The following CYP4F11 variants were observed in gnomAD, a reference collection of about 807,000 sequenced individuals.
The protein encoded by CYP4F11 is cytochrome P450 family 4 subfamily F member 11.
A neutral mutation model predicts 62.2 loss-of-function variants in CYP4F11; 79 were observed. The observed-to-expected ratio is 1.27, with a 90% CI of 1.06 to 1.53. CYP4F11 has a LOEUF of 1.53. Among genes scored for constraint, CYP4F11 ranks in the 40% most tolerant of loss-of-function variants. CYP4F11 has a pLI of 0.00. For missense variants in CYP4F11, 777 were observed against 680.5 expected (o/e 1.14, Z -1.58); for synonymous variants, 290 against 263.7 (o/e 1.10, Z -0.97).
intron 8 of CYP4F11, among the ~76,000 whole-genome samples, chr19:15,921,196 C>A (rs769069253): frequency 2.0e-5 from 3 of 152,020 alleles, no homozygotes; most frequent in Admixed American, 6.6e-5. Flanking sequence ...ATCTACTGAT[C>A]ATTATTAAGG....
At position 15,922,041 on chromosome 19, in the gene CYP4F11, C is replaced by G. The variant is rs1197889030; in HGVS notation, c.1111G>C (p.Glu371Gln). The part of the protein sequence containing the change: ...LLKDREPIEI[E>Q]WDDLAQLPFL... ...CAGGCCAGCACCTGCACTCACCATT[C>G]AATCTCTATAGGTTCACGGTCCTTC... is the stretch of plus-strand genomic sequence containing the variant. The change falls in exon 8 of 12, where the codon GAA becomes CAA. Residue 371 changes from glutamate (E) to glutamine (Q), a missense_variant. Coordinates refer to ENST00000402119, the MANE Select transcript of CYP4F11 (RefSeq NM_021187.4). 2 of 1,603,452 alleles carry G rather than the reference C, an allele frequency of 1.2e-6. No homozygotes were observed. Among genetic ancestry groups the G allele is most frequent in the African/African-American group, 2.7e-5 (2 of 74,586 alleles).
rs1465392365 is a variant in CYP4F11 at position 15,914,860 on chromosome 19, C to T, written c.1151G>A (p.Cys384Tyr). The change falls in exon 9 of 12, where the codon TGC becomes TAC. Residue 384 changes from cysteine (C) to tyrosine (Y), a missense_variant. Cys to Tyr is a radical substitution (Grantham distance 194). Coordinates refer to ENST00000402119, the MANE Select transcript of CYP4F11 (RefSeq NM_021187.4). ...DLAQLPFLTMCIKESLRLHPP... is the reference protein window; with the variant it reads ...DLAQLPFLTMYIKESLRLHPP... ...ATGCAACCGCAGGCTCTCCTTAATG[C>T]ACATGGTCAGGAAGGGCAGCTGGGC... is the stretch of plus-strand genomic sequence containing the variant. The T allele has an allele frequency of 2.7e-5, 44 of 1,614,188 alleles. No individual in the cohort carries two copies. The highest frequency in any genetic ancestry group is 3.6e-5 in the Non-Finnish European group (42 of 1,180,024).
intron 6 of CYP4F11, 140 bp from the exon 7 acceptor site, chr19:15,922,570 G>A (rs2089637377): frequency 2.2e-5 from 18 of 819,832 alleles, no homozygotes; most frequent in Non-Finnish European, 3.2e-5. Context: ...ATGTCTCTTG[G>A]TCACCACCAT....
chr19:15,928,001 T>C (rs1391313333), intron 2 of CYP4F11: 1 of 154,458 alleles, frequency 6.5e-6, no homozygotes, highest in Non-Finnish European at 1.4e-5. Flanking sequence ...AACATTTAAA[T>C]ATGATGTCAC....
chr19:15,922,976 G>A (rs868278958), intron 6 of CYP4F11, among the ~76,000 whole-genome samples: 3 of 152,022 alleles, frequency 2.0e-5, no homozygotes, highest in African/African-American at 4.8e-5. Context: ...ACTTGAACCC[G>A]GGAGGCAGAG....
intron 8 of CYP4F11, among the ~76,000 whole-genome samples, chr19:15,920,202 A>T (rs961953119): frequency 6.6e-6 from 1 of 152,222 alleles, no homozygotes; most frequent in Non-Finnish European, 1.5e-5. Context: ...AAAATTTGTC[A>T]ATTAAAAATA....
chr19:15,913,411 G>T lies in CYP4F11; in HGVS notation c.*321C>A. ...TGTTTCTCGCTGAATCAGAGTCTCA[G>T]TCTTGCTCCTTAAACCCATTCTTAA... On this transcript the variant is annotated 3_prime_UTR_variant, in exon 12 of 12. Transcript: ENST00000402119. The T allele has an allele frequency of 2.7e-6, 1 of 370,676 alleles. No homozygotes were observed. Among genetic ancestry groups the T allele is most frequent in the Non-Finnish European group, 5.1e-6 (1 of 195,480 alleles). 23.0% of individuals were successfully genotyped at this position (370,676 alleles called of 1,614,324 possible). A position where few individuals can be genotyped will look rare whatever the true frequency, so the allele number is the denominator to read the frequency against.
At position 15,914,764 on chromosome 19, in the gene CYP4F11, T is replaced by C. The variant is rs753433594; in HGVS notation, c.1247A>G (p.Lys416Arg). The change falls in exon 9 of 12, where the codon AAA becomes AGA. Residue 416 changes from lysine (K) to arginine (R), a missense_variant and splice_region_variant. Physicochemically the swap from Lys to Arg is conservative, Grantham distance 26. Transcript: ENST00000402119. ...FVLPDGRVIP[K>R]GIVCLINIIG... is the part of the protein sequence containing the mutation. The stretch of plus-strand genomic sequence containing the variant: ...CCTCCCCCTGAGGCTGTGAGCACCT[T>C]TGGGGATGACGCGGCCGTCTGGGAG... The C allele has an allele frequency of 6.2e-6, 10 of 1,613,996 alleles. No homozygotes were observed. Among genetic ancestry groups the C allele is most frequent in the Admixed American group, 5.0e-5 (3 of 60,002 alleles).
chr19:15,931,306 G>A (rs531353376), intron 1 of CYP4F11, among the ~76,000 whole-genome samples: 4 of 151,934 alleles, frequency 2.6e-5, no homozygotes, highest in Admixed American at 2.0e-4. Context: ...ACAAGCAAAT[G>A]GGCCAGGCAG....
At chr19:15,927,371 GCA>G (rs771303835) in intron 3 of CYP4F11, 32 bp from the exon 4 acceptor site, 4 of 1,613,920 alleles carry the variant, frequency 2.5e-6, no homozygotes, top group East Asian at 4.5e-5. Flanking sequence ...GTGGTCAAGG[GCA>G]GCACCCTCCC....
At position 15,924,864 on chromosome 19, in the gene CYP4F11, C is replaced by G; in HGVS notation, c.544G>C (p.Ala182Pro). 6.2e-7 allele frequency: 1 copy of G among 1,611,576 alleles called. No homozygotes were observed. The highest frequency in any genetic ancestry group is 8.5e-7 in the Non-Finnish European group (1 of 1,178,534). The stretch of plus-strand genomic sequence containing the variant: ...TCCAGTCTGGCGCTGCCCTCTGAGG[C>G]CAGGCGCTGCCACTTGTCCTGGCCA... ...NIMHDKWQRL[A>P]SEGSARLDMF... is the part of the protein sequence containing the mutation. The change falls in exon 5 of 12, where the codon GCC becomes CCC. Residue 182 changes from alanine to proline, a missense_variant. By Grantham distance (27) the Ala-to-Pro change is conservative (BLOSUM62 -1). Transcript: ENST00000402119.
In CYP4F11 at chr19:15,914,700, C is replaced by A. The variant is rs201533288; in HGVS notation, c.1250-34G>T. 283 of 1,613,854 alleles carry A rather than the reference C, an allele frequency of 1.8e-4. 1 individual carries two copies. Among genetic ancestry groups the A allele is most frequent in the Non-Finnish European group, 3.7e-5 (44 of 1,179,890 alleles). On this transcript the variant is annotated intron_variant, in intron 9 of 11. Transcript: ENST00000402119. The stretch of plus-strand genomic sequence containing the variant: ...GAGAAGAGGGCAGTCAGGACAAGGC[C>A]CCCCTGCCTGAGGGACCCCTCTTGC...
Position 15,913,914 on chromosome 19 carries a change from G to A in CYP4F11, c.1398-5C>T. The A allele has an allele frequency of 6.2e-7, 1 of 1,608,462 alleles. No individual in the cohort carries two copies. Among genetic ancestry groups the A allele is most frequent in the Non-Finnish European group, 8.5e-7 (1 of 1,177,386 alleles). On this transcript the variant is annotated splice_polypyrimidine_tract_variant and splice_region_variant and intron_variant, in intron 11 of 11. Coordinates refer to ENST00000402119, the MANE Select transcript of CYP4F11 (RefSeq NM_021187.4). ...AACGCCTGCCCGATGCAGTTTCTGGGGGCAAAAGTGAGGGAATCTGACTGT... is the reference window on the plus strand; with the variant it reads ...AACGCCTGCCCGATGCAGTTTCTGGAGGCAAAAGTGAGGGAATCTGACTGT...
intron 3 of CYP4F11, 21 bp downstream of exon 3, chr19:15,927,409 C>A (rs1235143757): frequency 1.2e-6 from 2 of 1,614,124 alleles, no homozygotes; most frequent in Non-Finnish European, 1.7e-6. Flanking sequence ...ATCCCCAACC[C>A]CATTCACCTC....
intron 8 of CYP4F11, among the ~76,000 whole-genome samples, chr19:15,917,574 C>T (rs2089592699): frequency 6.6e-6 from 1 of 152,060 alleles, no homozygotes; most frequent in Non-Finnish European, 1.5e-5. Flanking sequence ...GGAAGCCCCA[C>T]AAAACCCTGG....
chr19:15,931,621 CGAGGAGAGGAATGAGT>C (rs1568257518), intron 1 of CYP4F11, among the ~76,000 whole-genome samples: 3 of 24,404 alleles, frequency 1.2e-4, no homozygotes, highest in Non-Finnish European at 2.1e-4. Flanking sequence ...AATGAGTGAG[CGAGGAGAGGAATGAGT>C]GAGCGAGGAG....
rs2089552791 is a variant in CYP4F11 at position 15,913,365 on chromosome 19, G to A, written c.*367C>T. On this transcript the variant is annotated 3_prime_UTR_variant, in exon 12 of 12. Coordinates refer to ENST00000402119, the MANE Select transcript of CYP4F11 (RefSeq NM_021187.4). The stretch of plus-strand genomic sequence containing the variant: ...TTGGGAGGACATTCCCAGGACAGAT[G>A]AAGGGATCTGCCCCTATGGTTGTTT... The A allele has an allele frequency of 3.5e-6, 1 of 282,152 alleles. No individual in the cohort carries two copies. Among genetic ancestry groups the A allele is most frequent in the South Asian group, 3.5e-5 (1 of 28,302 alleles). 17.5% of individuals were successfully genotyped at this position (282,152 alleles called of 1,614,324 possible). A position where few individuals can be genotyped will look rare whatever the true frequency, so the allele number is the denominator to read the frequency against.
chr19:15,922,138 G>T lies in CYP4F11; in HGVS notation c.1014C>A (p.Ser338=). 1 of 1,613,516 alleles carries T rather than the reference G, an allele frequency of 6.2e-7. No homozygotes were observed. Among genetic ancestry groups the T allele is most frequent in the Non-Finnish European group, 8.5e-7 (1 of 1,179,796 alleles). The change falls in exon 8 of 12, where the codon TCC becomes TCA. Residue 338 remains serine (S), a synonymous_variant. Coordinates refer to ENST00000402119, the MANE Select transcript of CYP4F11 (RefSeq NM_021187.4). ...EGHDTTASGL[S]WVLYHLAKHP... is the part of the protein sequence containing the mutation. ...GCTTTGCAAGGTGGTATAGGACCCAGGAGAGACCACTGGCTGTAGTGTCAT... is the reference window on the plus strand; with the variant it reads ...GCTTTGCAAGGTGGTATAGGACCCATGAGAGACCACTGGCTGTAGTGTCAT...
Position 15,923,878 on chromosome 19 carries a change from A to G in CYP4F11, c.852T>C (p.Asp284=). ...RRCTLPTQGI[D]DFLKNKAKSK... ...ACTTTGCCTTGTTCTTGAGGAAATC[A>G]TCAATACCCTGAGTGGGGAGGGTGC... Residue 284 remains aspartate, a synonymous_variant, in exon 6 of 12, where the codon GAT becomes GAC. Transcript: ENST00000402119. The G allele has an allele frequency of 1.2e-6, 2 of 1,614,212 alleles. No homozygotes were observed. Among genetic ancestry groups the G allele is most frequent in the Non-Finnish European group, 1.7e-6 (2 of 1,180,040 alleles).
Sources: gnomAD v4.1 joint callset for allele counts (sites outside exome capture counted in the v4.1 genomes callset) on GRCh38, gnomAD v4.1.1 for gene constraint, MANE v1.5 for transcripts, NCBI Gene and HGNC (gene_info 2026-07-23, HGNC 2026-07-21) for gene names.